The following GOSR2 variants were observed in gnomAD, a reference collection of about 807,000 sequenced individuals.
GOSR2 encodes 27 kDa Golgi SNARE protein.
GOSR2 carries 20 observed loss-of-function variants against 27.9 expected under a neutral mutation model. That is an observed-to-expected ratio of 0.72 (90% CI 0.50 to 1.04). The LOEUF is 1.04. Among genes scored for constraint, GOSR2 ranks in the 50% least tolerant of loss-of-function variants. The pLI is 0.00. For missense variants in GOSR2, 261 were observed against 270.5 expected (o/e 0.97, Z 0.25); for synonymous variants, 91 against 98.8 (o/e 0.92, Z 0.47).
chr17:46,928,132 G>C (rs901287345), intron 1 of GOSR2, among the ~76,000 whole-genome samples: 1 of 152,032 alleles, frequency 6.6e-6, no homozygotes, highest in African/African-American at 2.4e-5. Flanking sequence ...GCAACGGCCT[G>C]GTCTCGGACT....
chr17:46,940,575 A>G lies in GOSR2; in HGVS notation c.*1815A>G. On this transcript the variant is annotated 3_prime_UTR_variant, in exon 6 of 6. Coordinates refer to ENST00000640051, the MANE Select transcript of GOSR2 (RefSeq NM_004287.5). The stretch of plus-strand genomic sequence containing the variant: ...CCCAGGCACCCAAGGATCCTGCCAG[A>G]CAGCACACTTTGGAGGAAGGTCTGC... 6.2e-7 allele frequency: 1 copy of G among 1,614,212 alleles called. No homozygotes were observed. Among genetic ancestry groups the G allele is most frequent in the South Asian group, 1.1e-5 (1 of 91,086 alleles).
chr17:46,935,002 A>C, intron 4 of GOSR2, 27 bp from the exon 5 acceptor site: 1 of 1,607,844 alleles, frequency 6.2e-7, no homozygotes, highest in South Asian at 1.1e-5. Context: ...AAGCAAAGTT[A>C]ATCAAGTGCC....
rs546460488 is a variant in GOSR2, at chr17:46,941,521, T to G, written c.*2761T>G. On this transcript the variant is annotated 3_prime_UTR_variant, in exon 6 of 6. Coordinates refer to ENST00000640051, the MANE Select transcript of GOSR2 (RefSeq NM_004287.5). ...GAAGCTTTTTAAAATTACATATTCCTGGGGCCTACCCCAGATCTGAATTAG... is the reference window on the plus strand; with the variant it reads ...GAAGCTTTTTAAAATTACATATTCCGGGGGCCTACCCCAGATCTGAATTAG... The G allele has an allele frequency of 8.3e-5, 41 of 492,768 alleles. No homozygotes were observed. The highest frequency in any genetic ancestry group is 1.0e-4 in the Non-Finnish European group (39 of 379,754). 30.5% of individuals were successfully genotyped at this position (492,768 alleles called of 1,614,324 possible).
At chr17:46,968,008 T>G (rs1399774489), downstream of GOSR2, among the ~76,000 whole-genome samples, 1 of 152,002 alleles carries the variant, frequency 6.6e-6, no homozygotes, top group Admixed American at 6.6e-5. Context: ...AAGATGACAG[T>G]GGTGATGCTC....
At chr17:46,949,084 C>T (rs1184361648) in intron 6 of GOSR2, 1 of 152,252 alleles carries the variant, frequency 6.6e-6, no homozygotes, top group Non-Finnish European at 1.5e-5. Context: ...TCAGTTGCTA[C>T]ACCTCACAGC....
chr17:46,927,317 G>A (rs1019813600), intron 1 of GOSR2, among the ~76,000 whole-genome samples: 3 of 152,046 alleles, frequency 2.0e-5, no homozygotes, highest in Non-Finnish European at 2.9e-5. Flanking sequence ...CCTCCAGTCT[G>A]TGCCATTCAT....
chr17:46,935,032 T>C lies in GOSR2; in HGVS notation c.340T>C (p.Ser114Pro), dbSNP rs751635119. 4.3e-5 allele frequency: 70 copies of C among 1,612,916 alleles called. No homozygotes were observed. The highest frequency in any genetic ancestry group is 5.9e-5 in the Non-Finnish European group (69 of 1,178,962). ...LLSRTFTTND[S>P]DTTIPMDESL... ...AGTGCCTGTGTTTCTTTCACAGGAC[T>C]CTGACACCACCATACCAATGGACGA... The change falls in exon 5 of 6, where the codon TCT becomes CCT. Residue 114 changes from serine to proline, a missense_variant. Physicochemically the swap from Ser to Pro is moderately conservative, Grantham distance 74 (BLOSUM62 -1). Coordinates refer to ENST00000640051, the MANE Select transcript of GOSR2 (RefSeq NM_004287.5).
At chr17:46,954,261 C>T (rs528474903) in intron 6 of GOSR2, among the ~76,000 whole-genome samples, 35 of 152,300 alleles carry the variant, frequency 2.3e-4, no homozygotes, top group African/African-American at 7.9e-4. Context: ...TATGGCTAGC[C>T]AGTTTTCTCA....
chr17:46,940,963 TCA>T lies in GOSR2; in HGVS notation c.*2204_*2205del. On this transcript the variant is annotated 3_prime_UTR_variant, in exon 6 of 6. Coordinates refer to ENST00000640051, the MANE Select transcript of GOSR2 (RefSeq NM_004287.5). ...TAACAGTGTGACTCTCTCCACCGCC[TCA>T]GTGTAGGGAAGGGTCCAGGCCAGGG... is the stretch of plus-strand genomic sequence containing the variant. The T allele has an allele frequency of 8.1e-7, 1 of 1,231,282 alleles. No individual in the cohort carries two copies. The highest frequency in any genetic ancestry group is 1.0e-6 in the Non-Finnish European group (1 of 970,574). 76.3% of individuals were successfully genotyped at this position (1,231,282 alleles called of 1,614,324 possible).
chr17:46,962,760 G>A (rs1225338326), intron 6 of GOSR2, among the ~76,000 whole-genome samples: 1 of 152,180 alleles, frequency 6.6e-6, no homozygotes, highest in Non-Finnish European at 1.5e-5. Context: ...CGTGCAGCAG[G>A]ACTGAGCAGT....
chr17:46,971,821 CAT>C (rs201057092), downstream of GOSR2, among the ~76,000 whole-genome samples: 515 of 152,358 alleles, frequency 3.4e-3, 2 homozygotes, highest in African/African-American at 0.012. Flanking sequence ...ACCCATCTAA[CAT>C]GTGTTTGTTC....
chr17:46,938,163 T>G (rs2088723780), intron 5 of GOSR2, among the ~76,000 whole-genome samples: 1 of 151,150 alleles, frequency 6.6e-6, no homozygotes, highest in African/African-American at 2.4e-5. Flanking sequence ...GCGCCTGGCC[T>G]GTTTGCAGTT....
chr17:46,943,614 G>C (rs113242725), downstream of GOSR2, among the ~76,000 whole-genome samples: 190 of 152,342 alleles, frequency 1.2e-3, no homozygotes, highest in African/African-American at 4.0e-3. Flanking sequence ...CGGGCACGTA[G>C]TAGGCGCAGG....
intron 1 of GOSR2, among the ~76,000 whole-genome samples, chr17:46,928,887 A>G (rs1046305483): frequency 1.3e-5 from 2 of 152,064 alleles, no homozygotes; most frequent in South Asian, 2.1e-4. Flanking sequence ...CCATCCACAT[A>G]ACTTACCTGG....
chr17:46,946,000 T>A (rs1228642036), downstream of GOSR2, among the ~76,000 whole-genome samples: 4 of 152,150 alleles, frequency 2.6e-5, no homozygotes, highest in Non-Finnish European at 5.9e-5. Flanking sequence ...CAGCCTCTCT[T>A]ACCTCAATCC....
chr17:46,923,287 G>A, intron 1 of GOSR2, 66 bp downstream of exon 1: 2 of 1,549,424 alleles, frequency 1.3e-6, no homozygotes, highest in Non-Finnish European at 1.7e-6. Flanking sequence ...TGGCTTCTGG[G>A]GCTGAGGCCT....
At chr17:46,952,965 G>C (rs1439515935) in intron 6 of GOSR2, 2 of 152,048 alleles carry the variant, frequency 1.3e-5, no homozygotes, top group African/African-American at 4.8e-5. Context: ...TCGATGCAAA[G>C]CTGGCACACA....
downstream of GOSR2, among the ~76,000 whole-genome samples, chr17:46,942,828 T>G (rs371252224): frequency 6.6e-6 from 1 of 152,170 alleles, no homozygotes; most frequent in Non-Finnish European, 1.5e-5. Context: ...CCTTTTCATT[T>G]CATATGGAAG....
Position 46,939,069 on chromosome 17 carries a change from G to A in GOSR2, c.*309G>A. 10 of 1,099,236 alleles carry A rather than the reference G, an allele frequency of 9.1e-6. No homozygotes were observed. The South Asian group carries it at 1.3e-4, about 14-fold the overall frequency. 68.1% of individuals were successfully genotyped at this position (1,099,236 alleles called of 1,614,324 possible). On this transcript the variant is annotated 3_prime_UTR_variant, in exon 6 of 6. Transcript: ENST00000640051. ...TGGTGGCTTTGTTCACATAGCTGAT[G>A]CGTGCCCTGGGAAGGTGTCCACAGT...
Sources: gnomAD v4.1 joint callset for allele counts (sites outside exome capture counted in the v4.1 genomes callset) on GRCh38, gnomAD v4.1.1 for gene constraint, MANE v1.5 for transcripts, NCBI Gene and HGNC (gene_info 2026-07-23, HGNC 2026-07-21) for gene names.